Variants in JAKMIP3 observed in about 807,000 individuals in gnomAD.
JAKMIP3 encodes janus kinase and microtubule-interacting protein 3.
A neutral mutation model predicts 118.5 loss-of-function variants in JAKMIP3; 58 were observed. The ratio of observed to expected loss-of-function variants is 0.49; its 90% CI spans 0.40 to 0.61. The LOEUF (loss-of-function observed/expected upper bound fraction) is 0.61, where lower values mean the gene tolerates loss of function less well. JAKMIP3 is among the 20% of genes least tolerant of loss of function. The pLI, the probability that JAKMIP3 is intolerant of heterozygous loss-of-function variation, is 0.00. For synonymous variants in JAKMIP3, 486 were observed against 451.2 expected, an observed-to-expected ratio of 1.08 and a Z score of -0.98; for missense variants, 950 against 1,109.0, an observed-to-expected ratio of 0.86 and a Z score of 2.04.
rs375519055 is a variant in JAKMIP3, at chr10:132,145,302, C to T, written c.1686+112C>T. On this transcript the variant is annotated intron_variant, in intron 12 of 23. Coordinates refer to ENST00000684848, the MANE Select transcript of JAKMIP3 (RefSeq NM_001323087.2). ...GATCATAACTTTCTACAGCCTTGAC[C>T]TCCTGGGCTCAAGCCATCCTCCCAC... 112 of 1,013,218 alleles carry T rather than the reference C, an allele frequency of 1.1e-4. No homozygotes were observed. In the African/African-American group the frequency reaches 1.4e-3, roughly 13 times the overall value. 62.8% of individuals were successfully genotyped at this position (1,013,218 alleles called of 1,614,324 possible).
At chr10:132,073,613 C>T (rs1309187589) in intron 1 of JAKMIP3, among the ~76,000 whole-genome samples, 1 of 151,804 alleles carries the variant, frequency 6.6e-6, no homozygotes, top group Non-Finnish European at 1.5e-5. Context: ...TCTCCTACCT[C>T]AGCCTTCTAA....
chr10:132,114,306 C>A (rs935076994), intron 2 of JAKMIP3, among the ~76,000 whole-genome samples: 3 of 152,266 alleles, frequency 2.0e-5, no homozygotes, highest in East Asian at 1.9e-4. Flanking sequence ...GCCTCTACCC[C>A]CCGGCTCAAG....
At chr10:132,063,883 C>T (rs181796375), upstream of JAKMIP3, among the ~76,000 whole-genome samples, 21 of 152,328 alleles carry the variant, frequency 1.4e-4, no homozygotes, top group East Asian at 2.1e-3. Flanking sequence ...TTGGTATCTA[C>T]GCTTTCAGGC....
At chr10:132,164,797 C>T (rs2058725333) in intron 21 of JAKMIP3, 62 bp downstream of exon 21, 3 of 1,159,538 alleles carry the variant, frequency 2.6e-6, no homozygotes, top group African/African-American at 1.5e-5. Context: ...CCCGGTGTCA[C>T]CCCGACCTGA....
intron 1 of JAKMIP3, among the ~76,000 whole-genome samples, chr10:132,078,426 G>A (rs1460935027): frequency 4.0e-5 from 6 of 151,812 alleles, no homozygotes; most frequent in Non-Finnish European, 8.8e-5. Context: ...AAAAATGCTC[G>A]CTTTTGCTTT....
intron 2 of JAKMIP3, 95 bp from the exon 3 acceptor site, chr10:132,116,982 T>A (rs974892013): frequency 1.4e-6 from 2 of 1,386,080 alleles, no homozygotes; most frequent in East Asian, 2.4e-5. Context: ...GGTGTGAGTG[T>A]GTGCAACGTG....
In JAKMIP3 at chr10:132,118,412, C is replaced by T. The variant is rs1445935680; in HGVS notation, c.633+838C>T. On this transcript the variant is annotated intron_variant, in intron 3 of 23. Coordinates refer to ENST00000684848, the MANE Select transcript of JAKMIP3 (RefSeq NM_001323087.2). The surrounding 1 kb of genome is among the most constrained non-coding windows in gnomAD (Gnocchi z 4.8). ...GAGCTCTGTCTTAGAGGTGCGTGCC[C>T]CAGCCCTGTGCCTCTTCAGGACCCG... Among the ~76,000 whole-genome samples, 2 of 152,190 alleles carry T rather than the reference C, an allele frequency of 1.3e-5. No individual in the cohort carries two copies. The highest frequency in any genetic ancestry group is 1.3e-4 in the Admixed American group (2 of 15,282).
chr10:132,166,168 T>A (rs559506307), intron 21 of JAKMIP3, among the ~76,000 whole-genome samples: 2 of 151,836 alleles, frequency 1.3e-5, no homozygotes, highest in East Asian at 1.9e-4. Flanking sequence ...TAGAAAAAAA[T>A]TTTAAAACAT....
intron 3 of JAKMIP3, among the ~76,000 whole-genome samples, chr10:132,131,509 C>G (rs930103362): frequency 6.6e-6 from 1 of 151,744 alleles, no homozygotes; most frequent in South Asian, 2.1e-4. Context: ...CCGGGGGCTC[C>G]AGCAAGTGTT....
intron 1 of JAKMIP3, among the ~76,000 whole-genome samples, chr10:132,098,220 C>T (rs942960737): frequency 3.3e-5 from 5 of 151,588 alleles, no homozygotes; most frequent in Non-Finnish European, 7.4e-5. Flanking sequence ...GATGGGGTCT[C>T]CCTCTGTTGC....
chr10:132,117,382 C>G lies in JAKMIP3; in HGVS notation c.441C>G (p.Phe147Leu). Reference sequence around the variant, plus strand: ...CCAAGGAGGAGGCCAAGAAGGGGTTCGAGGTGGAGAAGGTCAAGATGCAGC... The same window carrying G: ...CCAAGGAGGAGGCCAAGAAGGGGTTGGAGGTGGAGAAGGTCAAGATGCAGC... ...SEAKEEAKKG[F>L]EVEKVKMQQE... The change falls in exon 3 of 24, where the codon TTC (phenylalanine) becomes TTG (leucine). Residue 147 changes from phenylalanine (F) to leucine (L), a missense_variant. Transcript: ENST00000684848. This position sits in a 1 kb window ranked among gnomAD's most constrained non-coding sequence, Gnocchi z 8.6. The G allele has an allele frequency of 6.2e-7, 1 of 1,613,914 alleles. No homozygotes were observed. Among genetic ancestry groups the G allele is most frequent in the Non-Finnish European group, 8.5e-7 (1 of 1,179,886 alleles).
At position 132,184,185 on chromosome 10, in the gene JAKMIP3, T is replaced by C. The variant is rs2061681000; in HGVS notation, c.*2932T>C. 1 of 152,228 alleles carries C rather than the reference T, an allele frequency of 6.6e-6. No individual in the cohort carries two copies. Among genetic ancestry groups the C allele is most frequent in the South Asian group, 2.1e-4 (1 of 4,834 alleles). 9.4% of individuals were successfully genotyped at this position (152,228 alleles called of 1,614,324 possible). ...TAGCAGATTCCTTTGTTGACACCAG[T>C]GTGTTGTTTACCTTGTGCCCATGGT... On this transcript the variant is annotated 3_prime_UTR_variant, in exon 24 of 24. Transcript: ENST00000684848.
intron 19 of JAKMIP3, 45 bp from the exon 20 acceptor site, chr10:132,163,164 T>A (rs771387845): frequency 1.3e-6 from 2 of 1,527,330 alleles, no homozygotes; most frequent in Non-Finnish European, 1.8e-6. Context: ...AAAGGTTTGT[T>A]CTGGGGAGAA....
At chr10:132,136,718 C>G (rs1184411955) in intron 6 of JAKMIP3, among the ~76,000 whole-genome samples, 1 of 152,218 alleles carries the variant, frequency 6.6e-6, no homozygotes. Context: ...ACAGATGACC[C>G]AGTGTCAGCT....
chr10:132,119,015 C>T (rs1589857853), intron 3 of JAKMIP3, among the ~76,000 whole-genome samples: 1 of 152,144 alleles, frequency 6.6e-6, no homozygotes, highest in South Asian at 2.1e-4. Context: ...AGTAAAGGCT[C>T]GTAACAGAAA....
chr10:132,133,630 C>T (rs373638615), intron 4 of JAKMIP3, 103 bp downstream of exon 4: 26 of 1,086,446 alleles, frequency 2.4e-5, no homozygotes, highest in African/African-American at 2.0e-4. Context: ...GACCAGAGCC[C>T]GAGTTGAGGC....
At chr10:132,038,723 C>T (rs956723066) in intron 1 of JAKMIP3, among the ~76,000 whole-genome samples, 7 of 145,260 alleles carry the variant, frequency 4.8e-5, no homozygotes, top group Non-Finnish European at 7.4e-5. Flanking sequence ...ACCCAGGAGG[C>T]AAGAGGTTGC....
chr10:132,142,145 G>A (rs972247916), intron 11 of JAKMIP3, 97 bp downstream of exon 11: 234 of 1,348,622 alleles, frequency 1.7e-4, no homozygotes, highest in Non-Finnish European at 2.3e-4. Flanking sequence ...AGCCCTCCTG[G>A]GCCCGGGCCC....
Position 132,150,024 on chromosome 10 carries a change from G to A in JAKMIP3, c.1990G>A (p.Gly664Ser). 4 of 1,596,716 alleles carry A rather than the reference G, an allele frequency of 2.5e-6. No homozygotes were observed. In the South Asian group the frequency reaches 4.5e-5, roughly 18 times the overall value. Residue 664 changes from glycine (G) to serine (S), a missense_variant, in exon 16 of 24, where the codon GGC becomes AGC. Physicochemically the swap from Gly to Ser is moderately conservative, Grantham distance 56. Transcript: ENST00000684848. Reference protein sequence around the residue: ...AELMKKLDILGDNAVSNLTNE... With the variant: ...AELMKKLDILSDNAVSNLTNE... ...GCTGATGAAGAAGCTGGACATCCTG[G>A]GCGATAACGCCGTAAGTGTATGTCG...
Sources: gnomAD v4.1 joint callset for allele counts (sites outside exome capture counted in the v4.1 genomes callset) on GRCh38, gnomAD v4.1.1 for gene constraint, Gnocchi (gnomAD v3.1) non-coding constraint, MANE v1.5 for transcripts, NCBI Gene and HGNC (gene_info 2026-07-23, HGNC 2026-07-21) for gene names.